SLC30A6: variants seen among roughly 807,000 people sequenced by gnomAD.
The protein encoded by SLC30A6 is solute carrier family 30 member 6, also known as zinc transporter 6.
A neutral mutation model predicts 63.0 loss-of-function variants in SLC30A6; 55 were observed. The ratio of observed to expected loss-of-function variants is 0.87; its 90% confidence interval spans 0.70 to 1.09. The LOEUF (loss-of-function observed/expected upper bound fraction) is 1.09, where lower values mean the gene tolerates loss of function less well. Among genes scored for constraint, SLC30A6 ranks in the 50% least tolerant of loss-of-function variants. The probability of loss-of-function intolerance (pLI) is 0.00; values close to 1 mark genes in which losing one functional copy is unlikely to be tolerated. For missense variants in SLC30A6, 587 were observed against 549.2 expected (o/e 1.07, Z -0.69); for synonymous variants, 224 against 186.1 (o/e 1.20, Z -1.66).
Position 32,224,370 on chromosome 2 carries a change from C to T in SLC30A6, c.*3657C>T. 1.3e-6 allele frequency: 1 copy of T among 774,924 alleles called. No individual in the cohort carries two copies. The highest frequency in any genetic ancestry group is 2.1e-6 in the Non-Finnish European group (1 of 486,314). The allele number at this position is 774,924 out of a possible 1,614,324, so 48.0% of individuals were successfully genotyped here. A position where few individuals can be genotyped will look rare whatever the true frequency, so the allele number is the denominator to read the frequency against. The stretch of plus-strand genomic sequence containing the variant: ...TTAATCATCAAATTAAACTTCTTTC[C>T]ACGTCCTTATCTTCTTTGGCATCCT... On this transcript the variant is annotated 3_prime_UTR_variant, in exon 14 of 14. Coordinates refer to ENST00000282587, the MANE Select transcript of SLC30A6 (RefSeq NM_017964.5).
chr2:32,171,987 C>T (rs555857475), intron 2 of SLC30A6, among the ~76,000 whole-genome samples: 33 of 152,160 alleles, frequency 2.2e-4, no homozygotes, highest in Non-Finnish European at 4.6e-4. Context: ...AACCACCGTG[C>T]CTGGCCCATG....
intron 2 of SLC30A6, among the ~76,000 whole-genome samples, chr2:32,173,745 C>T (rs954713216): frequency 1.3e-5 from 2 of 152,124 alleles, no homozygotes; most frequent in South Asian, 2.1e-4. Flanking sequence ...TTTGCTTCAT[C>T]GTTGTCTCTA....
chr2:32,209,493 G>T lies in SLC30A6; in HGVS notation c.817G>T (p.Val273Leu), dbSNP rs1160728964. ...GATCACCTCTTTCTGTTTTTGGTAG[G>T]TATCTACCTTAGATGGAGTTTTAGA... ...IGQLDKLIRE[V>L]STLDGVLEVR... Residue 273 changes from valine to leucine, a missense_variant and splice_region_variant, in exon 13 of 14, where the codon GTA becomes TTA. Coordinates refer to ENST00000282587, the MANE Select transcript of SLC30A6 (RefSeq NM_017964.5). The T allele has an allele frequency of 2.5e-6, 4 of 1,607,622 alleles. No homozygotes were observed. The highest frequency in any genetic ancestry group is 3.4e-6 in the Non-Finnish European group (4 of 1,178,260).
rs1458057299 is a variant in SLC30A6 at position 32,220,527 on chromosome 2, T to C, written c.1200T>C (p.Ile400=). The change falls in exon 14 of 14, where the codon ATT becomes ATC. Residue 400 remains isoleucine (I), a synonymous_variant. Coordinates refer to ENST00000282587, the MANE Select transcript of SLC30A6 (RefSeq NM_017964.5). ...NTPGKNVNPV[I]LLNTQTRPYG... is the part of the protein sequence containing the mutation. ...CTGGGAAAAATGTGAACCCAGTTAT[T>C]CTTCTAAACACACAAACAAGGCCTT... The C allele has an allele frequency of 6.2e-7, 1 of 1,614,236 alleles. No individual in the cohort carries two copies. Among genetic ancestry groups the C allele is most frequent in the Admixed American group, 1.7e-5 (1 of 60,022 alleles).
At chr2:32,187,097 G>T in intron 5 of SLC30A6, 1 of 462,230 alleles carries the variant, frequency 2.2e-6, no homozygotes, top group Non-Finnish European at 4.5e-6. Flanking sequence ...TGGGAAGACA[G>T]TAACTGGCGC....
chr2:32,210,228 C>T (rs991285394), intron 13 of SLC30A6, among the ~76,000 whole-genome samples: 3 of 152,004 alleles, frequency 2.0e-5, no homozygotes, highest in Admixed American at 6.6e-5. Flanking sequence ...AATGAGATCA[C>T]GGGCTGGGCG....
intron 12 of SLC30A6, 124 bp downstream of exon 12, chr2:32,207,057 A>G (rs954801651): frequency 3.9e-5 from 29 of 739,982 alleles, no homozygotes; most frequent in South Asian, 2.6e-4. Context: ...GTTCTTCACA[A>G]TAACATACTA....
intron 5 of SLC30A6, among the ~76,000 whole-genome samples, chr2:32,184,696 C>T (rs186780215): frequency 1.2e-4 from 18 of 152,146 alleles, no homozygotes; most frequent in South Asian, 2.1e-4. Context: ...ACCCAGGAGA[C>T]GGAGGTTGCA....
intron 4 of SLC30A6, among the ~76,000 whole-genome samples, chr2:32,175,593 G>T (rs1304539926): frequency 6.6e-6 from 1 of 150,956 alleles, no homozygotes; most frequent in African/African-American, 2.4e-5. Flanking sequence ...TTATGAAGAA[G>T]TTTTCTTTGC....
rs767610280 is a variant in SLC30A6 at position 32,220,668 on chromosome 2, A to T, written c.1341A>T (p.Pro447=). 6.2e-7 allele frequency: 1 copy of T among 1,614,012 alleles called. No individual in the cohort carries two copies. Among genetic ancestry groups the T allele is most frequent in the South Asian group, 1.1e-5 (1 of 91,078 alleles). The part of the protein sequence containing the change: ...QGLRTGFTNI[P]SRYGTNNRIG... ...TGAGGACTGGTTTTACAAATATACC[A>T]AGTAGATATGGAACTAATAATAGAA... is the stretch of plus-strand genomic sequence containing the variant. The change falls in exon 14 of 14, where the codon CCA becomes CCT. Residue 447 remains proline, a synonymous_variant. Coordinates refer to ENST00000282587, the MANE Select transcript of SLC30A6 (RefSeq NM_017964.5).
At chr2:32,202,781 A>T (rs1684409921) in intron 10 of SLC30A6, 1 of 722,110 alleles carries the variant, frequency 1.4e-6, no homozygotes, top group Non-Finnish European at 2.5e-6. Context: ...TTTTTTCTGC[A>T]GCTCGCCCAC....
chr2:32,206,811 G>A, intron 11 of SLC30A6, 75 bp from the exon 12 acceptor site: 1 of 1,120,614 alleles, frequency 8.9e-7, no homozygotes, highest in Non-Finnish European at 1.4e-6. Context: ...TCCTTTTGGG[G>A]AGGGGGTTCA....
At chr2:32,182,650 C>T (rs1682433625) in intron 4 of SLC30A6, among the ~76,000 whole-genome samples, 1 of 152,156 alleles carries the variant, frequency 6.6e-6, no homozygotes, top group Admixed American at 6.5e-5. Context: ...CTATTTTCTT[C>T]CTGTAGGTCA....
At chr2:32,189,224 A>G (rs191741879) in intron 5 of SLC30A6, among the ~76,000 whole-genome samples, 56 of 149,598 alleles carry the variant, frequency 3.7e-4, no homozygotes, top group Admixed American at 1.7e-3. Context: ...TTATACTCCC[A>G]CTGGTAGTGT....
chr2:32,185,125 T>C (rs212743), intron 5 of SLC30A6, among the ~76,000 whole-genome samples: 78,052 of 151,874 alleles, frequency 0.51, 20,289 homozygotes, highest in African/African-American at 0.56. Context: ...CCCTAGCACT[T>C]TGGTAGGTTG....
At chr2:32,175,189 T>C (rs940700435) in intron 3 of SLC30A6, 130 bp from the exon 4 acceptor site, 12 of 721,296 alleles carry the variant, frequency 1.7e-5, no homozygotes, top group Non-Finnish European at 2.8e-5. Context: ...ACTGCCAATA[T>C]ATGAGGTTGG....
intron 8 of SLC30A6, 87 bp downstream of exon 8, chr2:32,194,070 A>G (rs1191467412): frequency 5.8e-6 from 6 of 1,036,320 alleles, no homozygotes; most frequent in East Asian, 5.1e-5. Context: ...ACTCAGATCA[A>G]TGAAGAAGTA....
At chr2:32,216,697 A>G (rs1193419388) in intron 13 of SLC30A6, among the ~76,000 whole-genome samples, 1 of 151,834 alleles carries the variant, frequency 6.6e-6, no homozygotes, top group Non-Finnish European at 1.5e-5. Context: ...CTTCTTGGCC[A>G]CTTGTATGAC....
At position 32,223,439 on chromosome 2, in the gene SLC30A6, C is replaced by G. The variant is rs918055393; in HGVS notation, c.*2726C>G. 2 of 152,222 alleles carry G rather than the reference C, an allele frequency of 1.3e-5. No homozygotes were observed. The highest frequency in any genetic ancestry group is 4.8e-5 in the African/African-American group (2 of 41,464). 9.4% of individuals were successfully genotyped at this position (152,222 alleles called of 1,614,324 possible). ...TGTGTAAGGAAGTAGTTTTATAACC[C>G]ATGGGCAAATCATCTGAGCTTTCTC... On this transcript the variant is annotated 3_prime_UTR_variant, in exon 14 of 14. Coordinates refer to ENST00000282587, the MANE Select transcript of SLC30A6 (RefSeq NM_017964.5).
Sources: allele counts gnomAD v4.1 joint callset (sites outside exome capture counted in the v4.1 genomes callset), GRCh38; gene constraint gnomAD v4.1.1; transcripts MANE v1.5; gene names NCBI Gene and HGNC (gene_info 2026-07-23, HGNC 2026-07-21).